ADCY3: variants seen among roughly 807,000 people sequenced by gnomAD.
ADCY3 encodes adenylate cyclase 3, also known as adenylate cyclase type 3.
In ADCY3, 70 loss-of-function variants were observed where a neutral mutation model predicts 119.4. The ratio of observed to expected loss-of-function variants is 0.59; its 90% confidence interval spans 0.48 to 0.72. The LOEUF is 0.72. Ranked by LOEUF, ADCY3 falls within the 30% of genes least tolerant of loss-of-function variation. The pLI is 0.00. For synonymous variants in ADCY3, 672 were observed against 621.4 expected, an observed-to-expected ratio of 1.08 and a Z score of -1.21; for missense variants, 1,238 against 1,541.6, an observed-to-expected ratio of 0.80 and a Z score of 3.30.
intron 2 of ADCY3, among the ~76,000 whole-genome samples, chr2:24,904,319 C>G (rs1224650060): frequency 1.3e-5 from 2 of 152,026 alleles, no homozygotes; most frequent in Non-Finnish European, 2.9e-5. Flanking sequence ...AACTTGAGAT[C>G]AGGAGTTTGA....
At chr2:24,860,885 G>A (rs946256574) in intron 3 of ADCY3, among the ~76,000 whole-genome samples, 2 of 152,078 alleles carry the variant, frequency 1.3e-5, no homozygotes, top group East Asian at 1.9e-4. Flanking sequence ...GAGGCCCAGC[G>A]AGGAGACACC....
At chr2:24,839,057 C>T in intron 7 of ADCY3, 2 of 402,934 alleles carry the variant, frequency 5.0e-6, no homozygotes, top group South Asian at 2.0e-5. Flanking sequence ...ATTCTCCTGC[C>T]TCAGCCTCCA....
At chr2:24,866,322 A>T (rs74450167) in intron 3 of ADCY3, among the ~76,000 whole-genome samples, 1 of 152,140 alleles carries the variant, frequency 6.6e-6, no homozygotes, top group Non-Finnish European at 1.5e-5. Context: ...TTTAATTTTT[A>T]AAAATGCCAG....
intron 3 of ADCY3, among the ~76,000 whole-genome samples, chr2:24,856,408 A>C (rs1463626221): frequency 6.6e-6 from 1 of 152,212 alleles, no homozygotes; most frequent in Non-Finnish European, 1.5e-5. Flanking sequence ...ATGTTTCACA[A>C]ACCAGTCTGT....
intron 2 of ADCY3, among the ~76,000 whole-genome samples, chr2:24,894,661 A>G (rs1435509233): frequency 6.6e-6 from 1 of 151,968 alleles, no homozygotes; most frequent in Admixed American, 6.6e-5. Flanking sequence ...ATGAGAAAAG[A>G]TAACTTTCAT....
chr2:24,840,430 A>ACCACCCCT, intron 6 of ADCY3: 6 of 385,218 alleles, frequency 1.6e-5, no homozygotes, highest in South Asian at 1.3e-4. Flanking sequence ...CGTGTCTGAC[A>ACCACCCCT]GGGCAGGGAG....
chr2:24,884,580 AT>A (rs1676805545), intron 2 of ADCY3, among the ~76,000 whole-genome samples: 2 of 145,928 alleles, frequency 1.4e-5, no homozygotes, highest in Admixed American at 1.4e-4. Context: ...GGTTCAAGCG[AT>A]TCTTCTGCCT....
intron 2 of ADCY3, among the ~76,000 whole-genome samples, chr2:24,891,947 T>G (rs1437208654): frequency 2.6e-5 from 4 of 152,360 alleles, no homozygotes; most frequent in South Asian, 4.1e-4. Flanking sequence ...CTGACAGTTT[T>G]AGGCATCCAC....
intron 2 of ADCY3, among the ~76,000 whole-genome samples, chr2:24,885,264 G>A (rs1676897402): frequency 6.6e-6 from 1 of 152,202 alleles, no homozygotes; most frequent in East Asian, 1.9e-4. Context: ...CCCAGGCAGA[G>A]TCCACAAAAG....
At chr2:24,897,255 T>TC (rs1678395401) in intron 2 of ADCY3, among the ~76,000 whole-genome samples, 1 of 151,120 alleles carries the variant, frequency 6.6e-6, no homozygotes, top group African/African-American at 2.4e-5. Context: ...TTTCTCCTCC[T>TC]CCCCCTTCTC....
chr2:24,861,250 C>CAAAA (rs67641689), intron 3 of ADCY3, among the ~76,000 whole-genome samples: 3 of 113,424 alleles, frequency 2.6e-5, no homozygotes, highest in Non-Finnish European at 5.6e-5. Context: ...GACTCCATCT[C>CAAAA]AAAAAAAAAA....
In ADCY3 at chr2:24,889,755, G is replaced by A. The variant is rs144035809; in HGVS notation, c.676-17036C>T. Among the ~76,000 whole-genome samples, 18 of 152,376 alleles carry A rather than the reference G, an allele frequency of 1.2e-4. No homozygotes were observed. In the East Asian group the frequency reaches 3.3e-3, roughly 28 times the overall value. ...GGAGGCTGAGGCAGGAGAATCGCTTGAACCCGGGAGGCGGAGGTTGCAGTG... is the reference window on the plus strand; with the variant it reads ...GGAGGCTGAGGCAGGAGAATCGCTTAAACCCGGGAGGCGGAGGTTGCAGTG... On this transcript the variant is annotated intron_variant, in intron 2 of 21. Coordinates refer to ENST00000679454, the MANE Select transcript of ADCY3 (RefSeq NM_004036.5).
At position 24,899,393 on chromosome 2, in the gene ADCY3, C is replaced by A. The variant is rs975943081; in HGVS notation, c.675+18920G>T. 6.6e-6 allele frequency among the ~76,000 whole-genome samples: 1 copy of A among 152,234 alleles called. No individual in the cohort carries two copies. Among genetic ancestry groups the A allele is most frequent in the African/African-American group, 2.4e-5 (1 of 41,460 alleles). ...AGCCCATGTCTGTCTAAGAGCGGGA[C>A]CTCACTCTCGGCTGGAATGCTGCTG... On this transcript the variant is annotated intron_variant, in intron 2 of 21. Transcript: ENST00000679454. The surrounding 1 kb of genome is among the most constrained non-coding windows in gnomAD (Gnocchi z 4.5).
intron 3 of ADCY3, among the ~76,000 whole-genome samples, chr2:24,856,242 C>T (rs896115332): frequency 2.6e-5 from 4 of 152,088 alleles, no homozygotes; most frequent in East Asian, 1.9e-4. Context: ...GCTGCATGTA[C>T]GTGTCTACTG....
At chr2:24,821,868 G>A (rs1383250432) in intron 19 of ADCY3, 7 of 541,358 alleles carry the variant, frequency 1.3e-5, no homozygotes, top group East Asian at 3.5e-5. Flanking sequence ...AGAGGAGACG[G>A]ACCTGTGAGT....
In ADCY3 at chr2:24,835,031, G is replaced by C. The variant is rs1670115637; in HGVS notation, c.1663-95C>G. The C allele has an allele frequency of 2.0e-6, 3 of 1,463,416 alleles. No individual in the cohort carries two copies. The Admixed American group carries it at 5.9e-5, about 29-fold the overall frequency. The allele number at this position is 1,463,416 out of a possible 1,614,324, so 90.7% of individuals were successfully genotyped here. A position where few individuals can be genotyped will look rare whatever the true frequency, so the allele number is the denominator to read the frequency against. ...GAGGTGGAGGAGGAAAGGAACAAAA[G>C]AGGGCATACTCGGAGGACCAATCCC... is the stretch of plus-strand genomic sequence containing the variant. On this transcript the variant is annotated intron_variant, in intron 9 of 21. Coordinates refer to ENST00000679454, the MANE Select transcript of ADCY3 (RefSeq NM_004036.5).
At chr2:24,862,981 C>T (rs1029868153) in intron 3 of ADCY3, among the ~76,000 whole-genome samples, 20 of 152,136 alleles carry the variant, frequency 1.3e-4, no homozygotes, top group Non-Finnish European at 2.9e-5. Flanking sequence ...GACTCTGGTA[C>T]TTGGCTCTCA....
chr2:24,851,968 C>T (rs751161012), intron 3 of ADCY3, among the ~76,000 whole-genome samples: 18 of 152,308 alleles, frequency 1.2e-4, no homozygotes, highest in East Asian at 5.8e-4. Flanking sequence ...TATCCTCTAC[C>T]GCAGCACCCG....
chr2:24,823,420 A>G (rs1668084341), intron 17 of ADCY3, 65 bp from the exon 18 acceptor site: 1 of 1,566,030 alleles, frequency 6.4e-7, no homozygotes, highest in African/African-American at 1.4e-5. Flanking sequence ...TGTTGGAGAA[A>G]TGCATCTATC....
Sources: gnomAD v4.1 joint callset for allele counts (sites outside exome capture counted in the v4.1 genomes callset) on GRCh38, gnomAD v4.1.1 for gene constraint, Gnocchi (gnomAD v3.1) non-coding constraint, MANE v1.5 for transcripts, NCBI Gene and HGNC (gene_info 2026-07-23, HGNC 2026-07-21) for gene names.